Variants in TESK2 observed in about 807,000 individuals in gnomAD.
TESK2 encodes the protein dual specificity testis-specific protein kinase 2.
In TESK2, 39 loss-of-function variants were observed where a neutral mutation model predicts 57.1. That is an observed-to-expected ratio of 0.68 (90% confidence interval 0.53 to 0.89). TESK2 has a LOEUF of 0.89. TESK2 is among the 40% of genes least tolerant of loss of function. The probability of loss-of-function intolerance (pLI) is 0.00; values close to 1 mark genes in which losing one functional copy is unlikely to be tolerated. For missense variants in TESK2, 646 were observed against 732.1 expected (o/e 0.88, Z 1.36); for synonymous variants, 249 against 267.9 (o/e 0.93, Z 0.69).
At chr1:45,487,586 A>G (rs568577857) in intron 1 of TESK2, among the ~76,000 whole-genome samples, 1 of 152,140 alleles carries the variant, frequency 6.6e-6, no homozygotes, top group Admixed American at 6.5e-5. Context: ...GTCCAATTAT[A>G]TATTTCTTAC....
At chr1:45,361,548 AAC>A (rs1450455458) in intron 4 of TESK2, among the ~76,000 whole-genome samples, 1 of 152,242 alleles carries the variant, frequency 6.6e-6, no homozygotes, top group African/African-American at 2.4e-5. Flanking sequence ...CTAATAAAAT[AAC>A]AGAGTTTCTT....
At chr1:45,462,246 T>C (rs1305734235) in intron 1 of TESK2, among the ~76,000 whole-genome samples, 1 of 152,028 alleles carries the variant, frequency 6.6e-6, no homozygotes, top group African/African-American at 2.4e-5. Flanking sequence ...TCAAGTTCCA[T>C]CCATGCTGTT....
intron 2 of TESK2, among the ~76,000 whole-genome samples, chr1:45,426,739 C>T (rs1442083627): frequency 1.3e-5 from 2 of 151,940 alleles, no homozygotes; most frequent in African/African-American, 2.4e-5. Context: ...GTTCAAACAA[C>T]TCTATAGGAA....
intron 2 of TESK2, among the ~76,000 whole-genome samples, chr1:45,423,099 C>T (rs1298200094): frequency 6.6e-6 from 1 of 152,128 alleles, no homozygotes; most frequent in East Asian, 1.9e-4. Context: ...GCTGATTCCT[C>T]ATGGCTGACC....
chr1:45,390,119 T>C (rs1216624017), intron 3 of TESK2, among the ~76,000 whole-genome samples: 1 of 152,084 alleles, frequency 6.6e-6, no homozygotes, highest in East Asian at 1.9e-4. Flanking sequence ...AAATATATAG[T>C]TAAATTTCCC....
chr1:45,373,028 CAAAAAAA>C (rs200182758), intron 4 of TESK2, among the ~76,000 whole-genome samples: 15 of 61,040 alleles, frequency 2.5e-4, no homozygotes, highest in African/African-American at 4.3e-4. Flanking sequence ...ATCTCCGTCT[CAAAAAAA>C]AAAAAAAAAA....
At chr1:45,364,969 G>T (rs1166571021) in intron 4 of TESK2, among the ~76,000 whole-genome samples, 2 of 152,138 alleles carry the variant, frequency 1.3e-5, no homozygotes, top group Admixed American at 6.5e-5. Flanking sequence ...CTCTTTGGAG[G>T]GGCTCTTTGC....
At chr1:45,393,567 C>A (rs1383330083) in intron 3 of TESK2, among the ~76,000 whole-genome samples, 1 of 151,968 alleles carries the variant, frequency 6.6e-6, no homozygotes, top group Non-Finnish European at 1.5e-5. Flanking sequence ...ATGGTGAAAC[C>A]CCATCTCTAC....
At chr1:45,418,444 T>C (rs950253524) in intron 3 of TESK2, among the ~76,000 whole-genome samples, 1 of 152,194 alleles carries the variant, frequency 6.6e-6, no homozygotes, top group African/African-American at 2.4e-5. Context: ...TAAACTACAA[T>C]CCTTTGGATT....
At chr1:45,346,503 C>A (rs971353302) in intron 9 of TESK2, among the ~76,000 whole-genome samples, 190 bp downstream of exon 9, 3 of 148,544 alleles carry the variant, frequency 2.0e-5, no homozygotes, top group African/African-American at 7.3e-5. Context: ...AAAACAACTT[C>A]TTTCTTTCCT....
At chr1:45,476,375 G>A (rs1652990319) in intron 1 of TESK2, among the ~76,000 whole-genome samples, 1 of 152,134 alleles carries the variant, frequency 6.6e-6, no homozygotes, top group African/African-American at 2.4e-5. Context: ...AAGCGTGGTG[G>A]CCCATGCCTG....
At chr1:45,353,409 C>G (rs551617864) in intron 5 of TESK2, among the ~76,000 whole-genome samples, 31 of 152,306 alleles carry the variant, frequency 2.0e-4, no homozygotes, top group African/African-American at 7.0e-4. Context: ...GTGCAGCTGA[C>G]TACAAATGAC....
At chr1:45,426,474 C>T (rs775015092) in intron 2 of TESK2, among the ~76,000 whole-genome samples, 20 of 152,156 alleles carry the variant, frequency 1.3e-4, no homozygotes, top group East Asian at 3.8e-4. Context: ...TTAAAGATTT[C>T]GATCTAGGAC....
intron 3 of TESK2, among the ~76,000 whole-genome samples, chr1:45,389,390 G>A (rs1374786911): frequency 2.0e-5 from 3 of 152,098 alleles, no homozygotes; most frequent in African/African-American, 4.8e-5. Context: ...TCAAGCCTGG[G>A]TGACAGCGTG....
At chr1:45,382,386 A>T (rs1307316712) in intron 4 of TESK2, among the ~76,000 whole-genome samples, 1 of 152,042 alleles carries the variant, frequency 6.6e-6, no homozygotes, top group East Asian at 1.9e-4. Context: ...CTACAGGTGC[A>T]TGCTACCACA....
Position 45,491,076 on chromosome 1 carries a change from C to G in TESK2, c.-311G>C, listed in dbSNP as rs530155380. The G allele has an allele frequency of 2.0e-5, 3 of 152,384 alleles. No individual in the cohort carries two copies. Among genetic ancestry groups the G allele is most frequent in the East Asian group, 3.9e-4 (2 of 5,176 alleles). The allele number at this position is 152,384 out of a possible 1,614,324, so 9.4% of individuals were successfully genotyped here. A position where few individuals can be genotyped will look rare whatever the true frequency, so the allele number is the denominator to read the frequency against. ...GCCCCACAGTCGGGGCCGCTCCCCC[C>G]GCCTGTTTGGCGGGGCCAGGAGGAC... On this transcript the variant is annotated 5_prime_UTR_variant, in exon 1 of 11. Transcript: ENST00000372086.
chr1:45,448,662 G>A (rs1651743576), intron 2 of TESK2, among the ~76,000 whole-genome samples: 1 of 152,116 alleles, frequency 6.6e-6, no homozygotes, highest in Non-Finnish European at 1.5e-5. Context: ...TCACCGACGG[G>A]ATGGTACTAA....
chr1:45,359,653 T>C (rs537561480), intron 4 of TESK2, among the ~76,000 whole-genome samples: 22 of 150,714 alleles, frequency 1.5e-4, no homozygotes, highest in African/African-American at 5.1e-4. Context: ...CCCCTGAGGC[T>C]AGGAGTTCGA....
chr1:45,410,229 C>T (rs979311447), intron 3 of TESK2, among the ~76,000 whole-genome samples: 40 of 152,182 alleles, frequency 2.6e-4, no homozygotes, highest in African/African-American at 9.6e-4. Flanking sequence ...GAGTCTTTCA[C>T]CTAGTTACCC....
Sources: gnomAD v4.1 joint callset for allele counts (sites outside exome capture counted in the v4.1 genomes callset) on GRCh38, gnomAD v4.1.1 for gene constraint, MANE v1.5 for transcripts, NCBI Gene and HGNC (gene_info 2026-07-23, HGNC 2026-07-21) for gene names.